CDK11B: variants seen among roughly 807,000 people sequenced by gnomAD.
CDK11B encodes cyclin dependent kinase 11B.
A neutral mutation model predicts 84.0 loss-of-function variants in CDK11B; 37 were observed. The ratio of observed to expected loss-of-function variants is 0.44; its 90% CI spans 0.34 to 0.58. CDK11B has a LOEUF of 0.58. Ranked by LOEUF, CDK11B falls within the 20% of genes least tolerant of loss-of-function variation. The pLI, the probability that CDK11B is intolerant of heterozygous loss-of-function variation, is 0.02. For synonymous variants in CDK11B, 269 were observed against 309.8 expected (o/e 0.87, Z 1.38); for missense variants, 427 against 834.0 (o/e 0.51, Z 6.01).
intron 4 of CDK11B, among the ~76,000 whole-genome samples, chr1:1,651,729 G>C (rs1642036991): frequency 6.6e-6 from 1 of 151,190 alleles, no homozygotes; most frequent in Non-Finnish European, 1.5e-5. Context: ...ACACACGCAT[G>C]CTTTCAGATA....
Position 1,638,963 on chromosome 1 carries a change from C to T in CDK11B, c.1252-373G>A, listed in dbSNP as rs9442415. The stretch of plus-strand genomic sequence containing the variant: ...TTTTTTTTTTTTTTTTTTTTTGAGA[C>T]GGAGTCTCGCTCTGTCACCCAGGCT... On this transcript the variant is annotated intron_variant, in intron 11 of 19. Transcript: ENST00000341832. Among the ~76,000 whole-genome samples the T allele has an allele frequency of 3.1e-3, 384 of 125,664 alleles. 2 individuals are homozygous for T. Among genetic ancestry groups the T allele is most frequent in the Middle Eastern group, 0.03 (6 of 198 alleles). The allele number at this position is 125,664 out of a possible 152,430, so 82.4% of individuals were successfully genotyped here.
intron 4 of CDK11B, among the ~76,000 whole-genome samples, chr1:1,650,121 T>C (rs1279250201): frequency 8.0e-5 from 12 of 149,468 alleles, no homozygotes; most frequent in Admixed American, 6.0e-4. Flanking sequence ...ATACAAAAAA[T>C]TAGCTGGGTG....
intron 5 of CDK11B, 21 bp downstream of exon 5, chr1:1,649,478 C>G (rs1468990264): frequency 1.0e-5 from 16 of 1,537,490 alleles, no homozygotes; most frequent in African/African-American, 2.7e-5. Flanking sequence ...ATAAAGTCCT[C>G]AACTGACCCA....
At chr1:1,640,256 G>C (rs746188484) in intron 11 of CDK11B, 21 bp downstream of exon 11, 1 of 1,611,842 alleles carries the variant, frequency 6.2e-7, no homozygotes, top group Non-Finnish European at 8.5e-7. Flanking sequence ...ACAGTGGCCC[G>C]GGGCGAGGGG....
At chr1:1,639,941 C>T (rs1193861147) in intron 11 of CDK11B, among the ~76,000 whole-genome samples, 8 of 151,682 alleles carry the variant, frequency 5.3e-5, no homozygotes, top group South Asian at 4.2e-4. Context: ...AACCCGCCCA[C>T]GCAGGGGTCA....
intron 5 of CDK11B, among the ~76,000 whole-genome samples, chr1:1,649,261 A>C (rs1402655646): frequency 3.3e-5 from 5 of 151,988 alleles, no homozygotes; most frequent in African/African-American, 1.2e-4. Context: ...CACCATGCCC[A>C]GCTAATTTTT....
intron 3 of CDK11B, among the ~76,000 whole-genome samples, chr1:1,653,897 T>A (rs1208576158): frequency 6.6e-6 from 1 of 150,574 alleles, no homozygotes; most frequent in Non-Finnish European, 1.5e-5. Flanking sequence ...TAATCCCAGC[T>A]ACTCAGGAGT....
chr1:1,650,209 G>A (rs1156424984), intron 4 of CDK11B, among the ~76,000 whole-genome samples: 6 of 134,466 alleles, frequency 4.5e-5, no homozygotes, highest in Non-Finnish European at 9.2e-5. Flanking sequence ...GATGGAATTT[G>A]CAGTGAGCTG....
At position 1,636,695 on chromosome 1, in the gene CDK11B, T is replaced by C; in HGVS notation, c.1904A>G (p.Asn635Ser). ...GGCCAGACCCACCTTGAACACCTTGTTGATCTGATCGATTTCTGACTTCCC... is the reference window on the plus strand; with the variant it reads ...GGCCAGACCCACCTTGAACACCTTGCTGATCTGATCGATTTCTGACTTCCC... ...FPGKSEIDQI[N>S]KVFKDLGTPS... Residue 635 changes from asparagine to serine, a missense_variant, in exon 17 of 20, where the codon AAC becomes AGC. By Grantham distance (46) the Asn-to-Ser change is conservative. Around this residue, in one of 12 missense-constraint regions of CDK11B, gnomAD observed 170 missense variants for 196.0 expected, o/e 0.87. Transcript: ENST00000341832. 1.2e-6 allele frequency: 2 copies of C among 1,613,994 alleles called. No individual in the cohort carries two copies. The highest frequency in any genetic ancestry group is 1.7e-6 in the Non-Finnish European group (2 of 1,179,858).
At position 1,636,484 on chromosome 1, in the gene CDK11B, G is replaced by C; in HGVS notation, c.1918-3C>G. ...TTCTCACTAGGGGTCCCCAGATCCTGAAAGACAGAGGTGCTTCAACAGCCA... is the reference window on the plus strand; with the variant it reads ...TTCTCACTAGGGGTCCCCAGATCCTCAAAGACAGAGGTGCTTCAACAGCCA... On this transcript the variant is annotated splice_region_variant and splice_polypyrimidine_tract_variant and intron_variant, in intron 17 of 19. Transcript: ENST00000341832. 6.2e-7 allele frequency: 1 copy of C among 1,610,352 alleles called. No individual in the cohort carries two copies. Among genetic ancestry groups the C allele is most frequent in the Non-Finnish European group, 8.5e-7 (1 of 1,178,268 alleles).
rs1237594346 is a variant in CDK11B, at chr1:1,652,299, C to A, written c.355+140G>T. 3.9e-3 allele frequency: 2,480 copies of A among 631,812 alleles called. 51 individuals are homozygous for A. In the South Asian group the frequency reaches 0.042, roughly 11 times the overall value. 39.1% of individuals were successfully genotyped at this position (631,812 alleles called of 1,614,324 possible). ...GTATTCTCTCTATAGCCATTCTGAACGGTCTGTGACACACGTATGCTTTCA... is the reference window on the plus strand; with the variant it reads ...GTATTCTCTCTATAGCCATTCTGAAAGGTCTGTGACACACGTATGCTTTCA... On this transcript the variant is annotated intron_variant, in intron 4 of 19. Coordinates refer to ENST00000341832, the MANE Select transcript of CDK11B (RefSeq NM_033486.3).
chr1:1,644,402 GCTCCACTGCA>G (rs1640704526), intron 6 of CDK11B, among the ~76,000 whole-genome samples: 1 of 128,274 alleles, frequency 7.8e-6, no homozygotes, highest in Admixed American at 7.8e-5. Context: ...AGCTATGATC[GCTCCACTGCA>G]CTCCAGCCTG....
chr1:1,640,934 CG>C, intron 10 of CDK11B, 113 bp downstream of exon 10: 2 of 1,476,732 alleles, frequency 1.4e-6, no homozygotes, highest in Admixed American at 4.5e-5. Context: ...ACGAATCAGG[CG>C]GCCTCCCAGA....
chr1:1,654,663 T>C (rs7414316), intron 3 of CDK11B, among the ~76,000 whole-genome samples: 8,844 of 61,792 alleles, frequency 0.14, 454 homozygotes, highest in East Asian at 0.39. Context: ...TTTTTTTTCC[T>C]TTTTTTTTTT....
intron 3 of CDK11B, among the ~76,000 whole-genome samples, chr1:1,653,142 T>C (rs61774956): frequency 6.6e-6 from 1 of 151,616 alleles, no homozygotes; most frequent in Non-Finnish European, 1.5e-5. Flanking sequence ...CTCCTGCCTC[T>C]GCCTAAGGAG....
At chr1:1,657,938 G>T (rs1570268949) in intron 1 of CDK11B, among the ~76,000 whole-genome samples, 3 of 147,478 alleles carry the variant, frequency 2.0e-5, no homozygotes, top group African/African-American at 7.8e-5. Flanking sequence ...TAAGCTCTAG[G>T]CTGAGGCGGG....
At chr1:1,650,771 G>A (rs1641906781) in intron 4 of CDK11B, among the ~76,000 whole-genome samples, 1 of 150,602 alleles carries the variant, frequency 6.6e-6, no homozygotes, top group South Asian at 2.1e-4. Flanking sequence ...TGGGATTACA[G>A]GCCTGGGCCA....
chr1:1,657,275 A>G lies in CDK11B; in HGVS notation c.111+100T>C, dbSNP rs1321445533. 1.9e-6 allele frequency: 3 copies of G among 1,613,906 alleles called. No individual in the cohort carries two copies. In the South Asian group the frequency reaches 3.3e-5, roughly 18 times the overall value. ...GCTCACCTGCGACATTTGGAAGTAC[A>G]AAAGAACTTCACCGAAGAAGCGTTG... On this transcript the variant is annotated intron_variant, in intron 2 of 19. Coordinates refer to ENST00000341832, the MANE Select transcript of CDK11B (RefSeq NM_033486.3).
chr1:1,644,018 A>C (rs1291820652), intron 6 of CDK11B, among the ~76,000 whole-genome samples: 1 of 151,880 alleles, frequency 6.6e-6, no homozygotes, highest in Non-Finnish European at 1.5e-5. Flanking sequence ...AGAGGCCCAC[A>C]GGAAAACCCA....
Sources: gnomAD v4.1 joint callset for allele counts (sites outside exome capture counted in the v4.1 genomes callset) on GRCh38, gnomAD v4.1.1 for gene constraint, gnomAD v4.1.1 regional missense constraint, MANE v1.5 for transcripts, NCBI Gene and HGNC (gene_info 2026-07-23, HGNC 2026-07-21) for gene names.